Variants in GRM8 observed in about 807,000 individuals in gnomAD.
GRM8 encodes the protein metabotropic glutamate receptor 8.
A neutral mutation model predicts 87.2 loss-of-function variants in GRM8; 47 were observed. The observed-to-expected ratio is 0.54, with a 90% CI of 0.43 to 0.69. GRM8 has a LOEUF of 0.69. Ranked by LOEUF, GRM8 falls within the 30% of genes least tolerant of loss-of-function variation. The probability of loss-of-function intolerance (pLI) is 0.00; values close to 1 mark genes in which losing one functional copy is unlikely to be tolerated. For missense variants in GRM8, 1,019 were observed against 1,139.2 expected, an observed-to-expected ratio of 0.89 and a Z score of 1.52; for synonymous variants, 396 against 404.5, an observed-to-expected ratio of 0.98 and a Z score of 0.25.
intron 7 of GRM8, among the ~76,000 whole-genome samples, chr7:126,620,400 T>C (rs943484771): frequency 3.3e-5 from 5 of 152,234 alleles, no homozygotes; most frequent in African/African-American, 1.2e-4. Flanking sequence ...ACACATCTCC[T>C]TGAATATTTT....
At chr7:127,036,673 T>C (rs888881076) in intron 3 of GRM8, among the ~76,000 whole-genome samples, 7 of 152,304 alleles carry the variant, frequency 4.6e-5, no homozygotes, top group Admixed American at 2.0e-4. Flanking sequence ...ATGTGGGGTT[T>C]GACCATGGGT....
chr7:127,117,859 T>A (rs1826793549), intron 2 of GRM8, among the ~76,000 whole-genome samples: 1 of 152,220 alleles, frequency 6.6e-6, no homozygotes. Context: ...AAGTCAGTAA[T>A]TATAACTAAC....
chr7:126,476,799 T>C (rs888985665), intron 9 of GRM8, among the ~76,000 whole-genome samples: 2 of 151,962 alleles, frequency 1.3e-5, no homozygotes, highest in African/African-American at 4.8e-5. Context: ...TTCATAGGGA[T>C]GTAAATTGTT....
chr7:127,166,175 T>A (rs1793440506), intron 2 of GRM8, among the ~76,000 whole-genome samples: 1 of 152,152 alleles, frequency 6.6e-6, no homozygotes, highest in African/African-American at 2.4e-5. Context: ...TACAGGATAC[T>A]TTAATCCTGA....
In GRM8 at chr7:127,177,965, A is replaced by G. The variant is rs376458433; in HGVS notation, c.510+64730T>C. On this transcript the variant is annotated intron_variant, in intron 2 of 10. Coordinates refer to ENST00000339582, the MANE Select transcript of GRM8 (RefSeq NM_000845.3). Reference sequence around the variant, plus strand: ...TCTTCAACACCCACAAAAAAATCACACTAGTTCACCAGCAATGGATCCAAA... The same window carrying G: ...TCTTCAACACCCACAAAAAAATCACGCTAGTTCACCAGCAATGGATCCAAA... Among the ~76,000 whole-genome samples, 17 of 152,330 alleles carry G rather than the reference A, an allele frequency of 1.1e-4. No homozygotes were observed. The East Asian group carries it at 3.3e-3, about 29-fold the overall frequency.
At chr7:127,163,485 C>T (rs1017564440) in intron 2 of GRM8, among the ~76,000 whole-genome samples, 1 of 152,128 alleles carries the variant, frequency 6.6e-6, no homozygotes, top group African/African-American at 2.4e-5. Context: ...TAGGGGGTTC[C>T]CCCTGTAACT....
intron 7 of GRM8, 29 bp downstream of exon 7, chr7:126,769,836 T>C: frequency 7.0e-7 from 1 of 1,433,438 alleles, no homozygotes; most frequent in Non-Finnish European, 9.8e-7. Context: ...GCTTTTAATG[T>C]ATTTAGACAC....
At chr7:126,891,581 T>A (rs990534559) in intron 6 of GRM8, among the ~76,000 whole-genome samples, 5 of 152,070 alleles carry the variant, frequency 3.3e-5, no homozygotes, top group Non-Finnish European at 5.9e-5. Flanking sequence ...TCCTTTCTCT[T>A]GCCCACTGGT....
chr7:126,532,475 T>C (rs1206256973), intron 9 of GRM8, among the ~76,000 whole-genome samples: 1 of 152,104 alleles, frequency 6.6e-6, no homozygotes, highest in Non-Finnish European at 1.5e-5. Context: ...AATGGCTTTA[T>C]CCCAGAGTTA....
chr7:127,031,275 A>C (rs867773086), intron 3 of GRM8, among the ~76,000 whole-genome samples: 5 of 152,062 alleles, frequency 3.3e-5, no homozygotes, highest in African/African-American at 1.2e-4. Flanking sequence ...CCCTTGTTTC[A>C]GTATCTAGAG....
Position 126,533,735 on chromosome 7 carries a change from A to C in GRM8, c.1647T>G (p.Asp549Glu), listed in dbSNP as rs746737542. 19 of 1,614,018 alleles carry C rather than the reference A, an allele frequency of 1.2e-5. No homozygotes were observed. In the South Asian group the frequency reaches 1.9e-4, roughly 16 times the overall value. The part of the protein sequence containing the change: ...ERCEGYNYQV[D>E]ELSCELCPLD... Reference sequence around the variant, plus strand: ...GAGGGCAAAGTTCACAGGACAGCTCATCCACCTGGTAGTTGTAACCTTCAC... The same window carrying C: ...GAGGGCAAAGTTCACAGGACAGCTCCTCCACCTGGTAGTTGTAACCTTCAC... The change falls in exon 9 of 11, where the codon GAT (aspartate) becomes GAG (glutamate). Residue 549 changes from aspartate to glutamate, a missense_variant. Transcript: ENST00000339582.
At chr7:126,810,665 A>G (rs887827251) in intron 6 of GRM8, among the ~76,000 whole-genome samples, 3 of 152,104 alleles carry the variant, frequency 2.0e-5, no homozygotes, top group Non-Finnish European at 2.9e-5. Flanking sequence ...TCACCACTAC[A>G]GTACCCTAAG....
chr7:126,990,960 A>G (rs1812602383), intron 3 of GRM8, among the ~76,000 whole-genome samples: 1 of 152,218 alleles, frequency 6.6e-6, no homozygotes, highest in African/African-American at 2.4e-5. Context: ...AATCATCATT[A>G]TATATAGTTT....
chr7:126,676,207 T>C (rs963048149), intron 7 of GRM8, among the ~76,000 whole-genome samples: 1 of 152,038 alleles, frequency 6.6e-6, no homozygotes, highest in African/African-American at 2.4e-5. Context: ...AAGGAGACTA[T>C]CACATGCTGC....
chr7:127,141,864 T>C (rs1828290078), intron 2 of GRM8, among the ~76,000 whole-genome samples: 1 of 152,132 alleles, frequency 6.6e-6, no homozygotes, highest in African/African-American at 2.4e-5. Context: ...CAATACCCAA[T>C]AATTAACCAT....
chr7:126,664,022 A>C (rs911435610), intron 7 of GRM8, among the ~76,000 whole-genome samples: 2 of 152,176 alleles, frequency 1.3e-5, no homozygotes, highest in East Asian at 1.9e-4. Context: ...AGCCAAATCA[A>C]GAACATGATC....
intron 3 of GRM8, among the ~76,000 whole-genome samples, chr7:126,981,961 T>C (rs373807215): frequency 6.0e-5 from 9 of 150,674 alleles, no homozygotes; most frequent in Admixed American, 2.6e-4. Context: ...ACTAATAGGA[T>C]AAATACATCT....
intron 8 of GRM8, among the ~76,000 whole-genome samples, chr7:126,587,741 T>A (rs1157759250): frequency 2.6e-5 from 4 of 151,434 alleles, no homozygotes; most frequent in Non-Finnish European, 1.5e-5. Flanking sequence ...AGTTAATGGG[T>A]GCAGCACACC....
intron 8 of GRM8, among the ~76,000 whole-genome samples, chr7:126,551,640 T>A (rs531254980): frequency 1.3e-5 from 2 of 152,200 alleles, no homozygotes; most frequent in African/African-American, 4.8e-5. Context: ...GATTCTCCAA[T>A]TTTTTTCAGC....
Sources: gnomAD v4.1 joint callset for allele counts (sites outside exome capture counted in the v4.1 genomes callset) on GRCh38, gnomAD v4.1.1 for gene constraint, MANE v1.5 for transcripts, NCBI Gene and HGNC (gene_info 2026-07-23, HGNC 2026-07-21) for gene names.